The following FANCB variants were observed in gnomAD, a reference collection of about 807,000 sequenced individuals.
FANCB encodes the protein Fanconi anemia group B protein.
In FANCB, 5 loss-of-function variants were observed where a neutral mutation model predicts 38.9. The ratio of observed to expected loss-of-function variants is 0.13; its 90% CI spans 0.07 to 0.27. FANCB has a LOEUF of 0.27. FANCB is among the 10% of genes least tolerant of loss of function. The pLI is 1.00. For synonymous variants in FANCB, 236 were observed against 215.4 expected, an observed-to-expected ratio of 1.10 and a Z score of -0.84; for missense variants, 573 against 602.7, an observed-to-expected ratio of 0.95 and a Z score of 0.52.
chrX:14,863,826 T>C (rs1027508636), intron 3 of FANCB, among the ~76,000 whole-genome samples: 3 of 32,869 alleles, frequency 9.1e-5, no homozygotes, highest in African/African-American at 2.8e-4. Context: ...TAAATTTAAA[T>C]AGATAATTAT....
At chrX:14,766,936 C>T in the FANCB span, among the ~76,000 whole-genome samples, 1 of 111,823 alleles carries the variant, frequency 8.9e-6, no homozygotes, top group South Asian at 3.7e-4. Flanking sequence ...TAAGTGAGAA[C>T]ATGCAGTGTT....
rs140316576 is a variant in FANCB, at chrX:14,862,770, C to T, written c.951+1790G>A. On this transcript the variant is annotated intron_variant, in intron 3 of 9. Coordinates refer to ENST00000650831, the MANE Select transcript of FANCB (RefSeq NM_001018113.3). ...CTCCCCTCTCAGAGTCAGAATGATC[C>T]CAAATTTCATAAAGGAGGAAAATGA... Among the ~76,000 whole-genome samples, 112 of 111,442 alleles carry T rather than the reference C, an allele frequency of 1.0e-3. 3 individuals carry two copies. The East Asian group carries it at 0.03, about 30-fold the overall frequency.
intron 5 of FANCB, among the ~76,000 whole-genome samples, chrX:14,855,590 A>G (rs781431645): frequency 8.9e-6 from 1 of 112,048 alleles, no homozygotes; most frequent in South Asian, 3.6e-4. Context: ...TTTAACTCTT[A>G]AAGTCATCTA....
the FANCB span, among the ~76,000 whole-genome samples, chrX:14,742,102 C>T: frequency 9.0e-6 from 1 of 111,586 alleles, no homozygotes; most frequent in East Asian, 2.8e-4. Flanking sequence ...AAATGTAATG[C>T]CTAACTATCA....
the FANCB span, among the ~76,000 whole-genome samples, chrX:14,807,795 T>C: frequency 9.0e-6 from 1 of 111,041 alleles, no homozygotes; most frequent in South Asian, 3.8e-4. Context: ...TTTGAAAAGT[T>C]AAATAAAATT....
At chrX:14,860,344 A>C (rs2092441536) in intron 3 of FANCB, among the ~76,000 whole-genome samples, 2 of 112,233 alleles carry the variant, frequency 1.8e-5, no homozygotes, top group African/African-American at 6.5e-5. Context: ...GTGCAGAGAG[A>C]CAGCTTTTCT....
At chrX:14,850,333 G>A (rs1352709209) in intron 7 of FANCB, among the ~76,000 whole-genome samples, 172 bp downstream of exon 7, 1 of 111,462 alleles carries the variant, frequency 9.0e-6, no homozygotes, top group Non-Finnish European at 1.9e-5. Context: ...CTGGGCAACA[G>A]AGTGAGACTC....
the FANCB span, among the ~76,000 whole-genome samples, chrX:14,727,999 G>C: frequency 8.9e-6 from 1 of 112,246 alleles, no homozygotes; most frequent in Non-Finnish European, 1.9e-5. Flanking sequence ...TAAGAAATGA[G>C]ACAGAGTGCC....
the FANCB span, among the ~76,000 whole-genome samples, chrX:14,755,324 A>G: frequency 8.9e-6 from 1 of 111,923 alleles, no homozygotes; most frequent in Admixed American, 9.5e-5. Context: ...AGAAAATAAT[A>G]CAAATTGAAA....
At chrX:14,811,552 G>C in the FANCB span, among the ~76,000 whole-genome samples, 2 of 111,001 alleles carry the variant, frequency 1.8e-5, no homozygotes, top group South Asian at 7.6e-4. Context: ...AACCAACAAA[G>C]ATCAAAAGAG....
chrX:14,730,497 A>G, the FANCB span: 5 of 1,159,343 alleles, frequency 4.3e-6, no homozygotes, highest in Non-Finnish European at 5.9e-6. Flanking sequence ...TGTGCCCTAC[A>G]GACCCTGGGA....
chrX:14,833,601 A>G (rs529165764), downstream of FANCB, among the ~76,000 whole-genome samples: 7 of 110,667 alleles, frequency 6.3e-5, no homozygotes, highest in South Asian at 2.7e-3. Context: ...GCGCCCTGAA[A>G]TGGTCAAGCT....
chrX:14,775,388 G>T, the FANCB span, among the ~76,000 whole-genome samples: 1 of 111,214 alleles, frequency 9.0e-6, no homozygotes, highest in East Asian at 2.8e-4. Flanking sequence ...AGAAGAACTA[G>T]CTGAGCCAGG....
the FANCB span, among the ~76,000 whole-genome samples, chrX:14,792,474 G>A: frequency 1.0e-4 from 11 of 110,257 alleles, no homozygotes; most frequent in East Asian, 1.4e-3. Context: ...GGAAGCAGAG[G>A]CAGTGTTTCA....
At chrX:14,794,070 ACT>A in the FANCB span, among the ~76,000 whole-genome samples, 1 of 111,732 alleles carries the variant, frequency 8.9e-6, no homozygotes, top group Non-Finnish European at 1.9e-5. Context: ...GCTCTAGGAC[ACT>A]GTTACAAATG....
the FANCB span, among the ~76,000 whole-genome samples, chrX:14,809,452 C>G: frequency 1.8e-5 from 2 of 111,559 alleles, no homozygotes; most frequent in Non-Finnish European, 3.8e-5. Flanking sequence ...CAGATGGCAC[C>G]TGGAAAATCG....
the FANCB span, among the ~76,000 whole-genome samples, chrX:14,813,810 A>C: frequency 8.9e-6 from 1 of 111,915 alleles, no homozygotes; most frequent in Non-Finnish European, 1.9e-5. Flanking sequence ...TTCTTCACAG[A>C]ATTGGAAAAA....
At chrX:14,765,767 C>G in the FANCB span, among the ~76,000 whole-genome samples, 5 of 111,911 alleles carry the variant, frequency 4.5e-5, no homozygotes, top group African/African-American at 1.6e-4. Flanking sequence ...CACAGTTCCT[C>G]AAGCAAACAT....
rs751737580 is a variant in FANCB at position 14,859,043 on chromosome X, G to T, written c.1104+139C>A. The T allele has an allele frequency of 9.8e-6, 4 of 407,563 alleles. No individual in the cohort carries two copies. The Admixed American group carries it at 1.7e-4, about 18-fold the overall frequency. The allele number at this position is 407,563 out of a possible 1,213,427, so 33.6% of individuals were successfully genotyped here. ...GGAGATTCAATGTATATATTTAAAA[G>T]ATTCAATCTATATATTTTTAAAGTT... On this transcript the variant is annotated intron_variant, in intron 4 of 9. Coordinates refer to ENST00000650831, the MANE Select transcript of FANCB (RefSeq NM_001018113.3).
Sources: gnomAD v4.1 joint callset for allele counts (sites outside exome capture counted in the v4.1 genomes callset) on GRCh38, gnomAD v4.1.1 for gene constraint, MANE v1.5 for transcripts, NCBI Gene and HGNC (gene_info 2026-07-23, HGNC 2026-07-21) for gene names.